NOS1AP: variants seen among roughly 807,000 people sequenced by gnomAD.
NOS1AP encodes nitric oxide synthase 1 adaptor protein, also known as carboxyl-terminal PDZ ligand of neuronal nitric oxide synthase protein.
Under a neutral mutation model 56.2 loss-of-function variants are expected in NOS1AP, and 21 were observed. The ratio of observed to expected loss-of-function variants is 0.37; its 90% CI spans 0.26 to 0.54. The LOEUF (loss-of-function observed/expected upper bound fraction) is 0.54, where lower values mean the gene tolerates loss of function less well. NOS1AP is among the 20% of genes least tolerant of loss of function. The probability of loss-of-function intolerance (pLI) is 0.84; values close to 1 mark genes in which losing one functional copy is unlikely to be tolerated. For missense variants in NOS1AP, 522 were observed against 657.8 expected (o/e 0.79, Z 2.26); for synonymous variants, 270 against 274.6 (o/e 0.98, Z 0.17).
At chr1:162,137,633 ATCT>A (rs1041060027) in intron 1 of NOS1AP, among the ~76,000 whole-genome samples, 9 of 151,754 alleles carry the variant, frequency 5.9e-5, no homozygotes, top group African/African-American at 9.7e-5. Flanking sequence ...TTCAAAATCC[ATCT>A]TCTTCTTGTT....
chr1:162,206,862 C>A (rs1481742893), intron 2 of NOS1AP, among the ~76,000 whole-genome samples: 2 of 152,110 alleles, frequency 1.3e-5, no homozygotes, highest in Non-Finnish European at 2.9e-5. Flanking sequence ...TTTCTCAAAA[C>A]GTGGTTGCTT....
chr1:162,340,921 T>A (rs1214287425), intron 5 of NOS1AP, among the ~76,000 whole-genome samples: 1 of 152,204 alleles, frequency 6.6e-6, no homozygotes, highest in Non-Finnish European at 1.5e-5. Flanking sequence ...ATGTTGCACA[T>A]GTTTGTCCTT....
chr1:162,088,512 A>G (rs1692053441), intron 1 of NOS1AP, among the ~76,000 whole-genome samples: 1 of 152,180 alleles, frequency 6.6e-6, no homozygotes, highest in Non-Finnish European at 1.5e-5. Flanking sequence ...AGCCTGATTT[A>G]TGAGGCCAGA....
chr1:162,237,601 G>C (rs185204054), intron 2 of NOS1AP, among the ~76,000 whole-genome samples: 1 of 152,276 alleles, frequency 6.6e-6, no homozygotes, highest in African/African-American at 2.4e-5. Flanking sequence ...ACCTCTGCCA[G>C]AAATTAACAC....
At chr1:162,138,360 A>G (rs1649092156) in intron 1 of NOS1AP, among the ~76,000 whole-genome samples, 1 of 152,178 alleles carries the variant, frequency 6.6e-6, no homozygotes, top group Non-Finnish European at 1.5e-5. Flanking sequence ...GTGGCCCAAG[A>G]GGATAAGACT....
At chr1:162,190,500 G>A (rs932345994) in intron 2 of NOS1AP, among the ~76,000 whole-genome samples, 2 of 151,988 alleles carry the variant, frequency 1.3e-5, no homozygotes, top group Non-Finnish European at 1.5e-5. Flanking sequence ...GACAAATAAT[G>A]TGCATATTCA....
At chr1:162,332,167 A>C (rs1338914309) in intron 4 of NOS1AP, among the ~76,000 whole-genome samples, 2 of 152,092 alleles carry the variant, frequency 1.3e-5, no homozygotes, top group East Asian at 1.9e-4. Context: ...TGAACACTGC[A>C]GGGCTTGTAA....
At chr1:162,315,814 C>T (rs564807995) in intron 4 of NOS1AP, among the ~76,000 whole-genome samples, 1 of 152,332 alleles carries the variant, frequency 6.6e-6, no homozygotes, top group African/African-American at 2.4e-5. Context: ...ACCAGGAATG[C>T]TTTCCTGATT....
chr1:162,325,547 A>G (rs536523636), intron 4 of NOS1AP, among the ~76,000 whole-genome samples: 93 of 152,260 alleles, frequency 6.1e-4, no homozygotes, highest in African/African-American at 2.1e-3. Context: ...TGGGCCCCCC[A>G]GAATCACATG....
Position 162,205,574 on chromosome 1 carries a change from TC to T in NOS1AP, c.177+51099del, listed in dbSNP as rs1376928732. On this transcript the variant is annotated intron_variant, in intron 2 of 9. Coordinates refer to ENST00000361897, the MANE Select transcript of NOS1AP (RefSeq NM_014697.3). Reference sequence around the variant, plus strand: ...TCTAAATACCACTCTAATATTCTCGTCTTCATGCCTTTCCATCTTTCATCCA... The same window carrying T: ...TCTAAATACCACTCTAATATTCTCGTTTCATGCCTTTCCATCTTTCATCCA... Among the ~76,000 whole-genome samples, 3 of 152,254 alleles carry T rather than the reference TC, an allele frequency of 2.0e-5. No homozygotes were observed. The East Asian group carries it at 5.8e-4, about 29-fold the overall frequency.
At chr1:162,096,497 A>C (rs951257848) in intron 1 of NOS1AP, among the ~76,000 whole-genome samples, 3 of 152,204 alleles carry the variant, frequency 2.0e-5, no homozygotes, top group African/African-American at 7.2e-5. Context: ...AGATTAAAGA[A>C]AAAATATGTA....
intron 2 of NOS1AP, among the ~76,000 whole-genome samples, chr1:162,236,108 A>G (rs559824003): frequency 6.6e-6 from 1 of 152,334 alleles, no homozygotes; most frequent in East Asian, 1.9e-4. Context: ...CGTTCCACAG[A>G]TGTTAACTGA....
intron 2 of NOS1AP, among the ~76,000 whole-genome samples, chr1:162,271,554 G>A (rs1364636600): frequency 1.3e-5 from 2 of 152,224 alleles, no homozygotes; most frequent in Non-Finnish European, 2.9e-5. Context: ...AGAGTAGGCA[G>A]CCTTTGAATG....
chr1:162,194,196 G>C (rs1236879631), intron 2 of NOS1AP, among the ~76,000 whole-genome samples: 1 of 152,060 alleles, frequency 6.6e-6, no homozygotes, highest in African/African-American at 2.4e-5. Flanking sequence ...CATCTCGCAA[G>C]ACCCCTATAT....
chr1:162,317,489 C>G (rs931282510), intron 4 of NOS1AP, among the ~76,000 whole-genome samples: 1 of 152,098 alleles, frequency 6.6e-6, no homozygotes, highest in East Asian at 1.9e-4. Context: ...ATGAGAAGGA[C>G]AAAACCCCAA....
intron 4 of NOS1AP, among the ~76,000 whole-genome samples, chr1:162,304,780 CTGTGTGTGTG>C (rs3055849): frequency 2.1e-4 from 31 of 146,192 alleles, no homozygotes; most frequent in African/African-American, 6.3e-4. Context: ...ATTTTTATAT[CTGTGTGTGTG>C]TGTGTGTGTG....
At chr1:162,273,625 A>G (rs1459214969) in intron 2 of NOS1AP, among the ~76,000 whole-genome samples, 1 of 152,204 alleles carries the variant, frequency 6.6e-6, no homozygotes, top group Non-Finnish European at 1.5e-5. Flanking sequence ...TTTGGGAAGC[A>G]TCTCCTATCC....
Position 162,182,252 on chromosome 1 carries a change from T to C in NOS1AP, c.177+27776T>C, listed in dbSNP as rs549288928. On this transcript the variant is annotated intron_variant, in intron 2 of 9. Coordinates refer to ENST00000361897, the MANE Select transcript of NOS1AP (RefSeq NM_014697.3). The stretch of plus-strand genomic sequence containing the variant: ...CAGGGTACTTTCATACATAATGTCA[T>C]TGAACCTTATAATCGGTCACAATAC... Among the ~76,000 whole-genome samples, 13 of 152,336 alleles carry C rather than the reference T, an allele frequency of 8.5e-5. No individual in the cohort carries two copies. In the Middle Eastern group the frequency reaches 0.017, roughly 199 times the overall value.
intron 2 of NOS1AP, among the ~76,000 whole-genome samples, chr1:162,280,290 A>T (rs948012933): frequency 1.3e-5 from 2 of 152,284 alleles, no homozygotes; most frequent in African/African-American, 4.8e-5. Flanking sequence ...TAGAAAATGG[A>T]TGACAACAAC....
Sources: allele counts gnomAD v4.1 joint callset (sites outside exome capture counted in the v4.1 genomes callset), GRCh38; gene constraint gnomAD v4.1.1; transcripts MANE v1.5; gene names NCBI Gene and HGNC (gene_info 2026-07-23, HGNC 2026-07-21).